The following LRP1B variants were observed in gnomAD, a reference collection of about 807,000 sequenced individuals.
The protein encoded by LRP1B is low-density lipoprotein receptor-related protein 1B.
In LRP1B, 217 loss-of-function variants were observed where a neutral mutation model predicts 556.6. That is an observed-to-expected ratio of 0.39 (90% CI 0.35 to 0.44). The LOEUF (loss-of-function observed/expected upper bound fraction) is 0.44, where lower values mean the gene tolerates loss of function less well. Among genes scored for constraint, LRP1B ranks in the 20% least tolerant of loss-of-function variants. The pLI, the probability that LRP1B is intolerant of heterozygous loss-of-function variation, is 1.00. For synonymous variants in LRP1B, 2,047 were observed against 1,865.8 expected (o/e 1.10, Z -2.50); for missense variants, 5,053 against 5,620.8 (o/e 0.90, Z 3.23).
chr2:140,797,958 G>A (rs1405488580), intron 32 of LRP1B, among the ~76,000 whole-genome samples: 2 of 152,014 alleles, frequency 1.3e-5, no homozygotes, highest in Non-Finnish European at 2.9e-5. Flanking sequence ...CAACTGTCAC[G>A]TCTCAGTGAA....
At chr2:140,619,592 C>G (rs998889872) in intron 41 of LRP1B, among the ~76,000 whole-genome samples, 1 of 152,084 alleles carries the variant, frequency 6.6e-6, no homozygotes, top group Admixed American at 6.5e-5. Flanking sequence ...CCCCGTATAA[C>G]CTTGTTTCTC....
At chr2:141,133,230 T>C (rs1043363674) in intron 7 of LRP1B, among the ~76,000 whole-genome samples, 1 of 151,156 alleles carries the variant, frequency 6.6e-6, no homozygotes. Flanking sequence ...TCCTACATCT[T>C]ATTTCCAAAT....
At chr2:141,191,826 A>C (rs527624523) in intron 6 of LRP1B, among the ~76,000 whole-genome samples, 95 of 152,036 alleles carry the variant, frequency 6.2e-4, no homozygotes, top group Non-Finnish European at 1.2e-3. Context: ...TCACTGTTAC[A>C]AATGTCGTTT....
At chr2:141,816,479 T>C (rs1696552283) in intron 1 of LRP1B, among the ~76,000 whole-genome samples, 1 of 152,182 alleles carries the variant, frequency 6.6e-6, no homozygotes, top group Non-Finnish European at 1.5e-5. Flanking sequence ...TTTTGGGCTT[T>C]TGGACTTACA....
intron 52 of LRP1B, 90 bp from the exon 53 acceptor site, chr2:140,507,008 T>A (rs935496511): frequency 7.5e-7 from 1 of 1,333,894 alleles, no homozygotes. Flanking sequence ...TAAAATCATA[T>A]CCAATAATTC....
chr2:141,580,760 C>A (rs546804198), intron 2 of LRP1B, among the ~76,000 whole-genome samples: 2 of 152,192 alleles, frequency 1.3e-5, no homozygotes, highest in Admixed American at 1.3e-4. Context: ...CAAACACCTT[C>A]GAGTTTTGAA....
At chr2:140,465,101 C>G (rs1305966382) in intron 60 of LRP1B, among the ~76,000 whole-genome samples, 1 of 152,074 alleles carries the variant, frequency 6.6e-6, no homozygotes, top group Non-Finnish European at 1.5e-5. Context: ...ATCTGTTAGG[C>G]CTCTAGGGAG....
chr2:141,194,373 A>G (rs1395538682), intron 6 of LRP1B, among the ~76,000 whole-genome samples: 1 of 152,108 alleles, frequency 6.6e-6, no homozygotes. Context: ...GAATGAGAAC[A>G]TAAATAGGCT....
chr2:140,573,480 A>C (rs2105112722), intron 43 of LRP1B, among the ~76,000 whole-genome samples: 1 of 152,022 alleles, frequency 6.6e-6, no homozygotes, highest in Middle Eastern at 3.4e-3. Context: ...AAGAATAACT[A>C]ATCACCCCAA....
chr2:141,952,663 T>G (rs1701138473), intron 1 of LRP1B, among the ~76,000 whole-genome samples: 1 of 152,096 alleles, frequency 6.6e-6, no homozygotes, highest in African/African-American at 2.4e-5. Flanking sequence ...GAAACACGTT[T>G]CCTAAGCACA....
intron 43 of LRP1B, among the ~76,000 whole-genome samples, chr2:140,542,758 T>G (rs958098956): frequency 6.6e-6 from 1 of 152,230 alleles, no homozygotes; most frequent in African/African-American, 2.4e-5. Flanking sequence ...TGGGTGGCTA[T>G]ATCTCACTGG....
At chr2:141,513,720 T>G (rs1420563263) in intron 2 of LRP1B, among the ~76,000 whole-genome samples, 2 of 122,324 alleles carry the variant, frequency 1.6e-5, no homozygotes, top group Non-Finnish European at 3.4e-5. Flanking sequence ...TTAAAGTCTC[T>G]TGTGCTTAAA....
intron 2 of LRP1B, among the ~76,000 whole-genome samples, chr2:141,778,922 G>C (rs1372610530): frequency 6.6e-6 from 1 of 152,142 alleles, no homozygotes; most frequent in Non-Finnish European, 1.5e-5. Flanking sequence ...AGGATGTATA[G>C]AATCACTAAG....
intron 7 of LRP1B, among the ~76,000 whole-genome samples, chr2:141,116,182 A>G (rs542502848): frequency 2.6e-5 from 4 of 152,316 alleles, no homozygotes; most frequent in African/African-American, 7.2e-5. Flanking sequence ...ATACATTCAT[A>G]TACTCTAGCC....
intron 3 of LRP1B, among the ~76,000 whole-genome samples, chr2:141,313,560 C>CT (rs890634822): frequency 2.0e-5 from 3 of 152,098 alleles, no homozygotes; most frequent in Non-Finnish European, 4.4e-5. Context: ...AACATACAGT[C>CT]TTTTTTTCCC....
chr2:141,898,450 A>T lies in LRP1B; in HGVS notation c.83-88049T>A, dbSNP rs190728011. 2.6e-5 allele frequency among the ~76,000 whole-genome samples: 4 copies of T among 152,280 alleles called. No homozygotes were observed. In the East Asian group the frequency reaches 5.8e-4, roughly 22 times the overall value. On this transcript the variant is annotated intron_variant, in intron 1 of 90. Transcript: ENST00000389484. Reference sequence around the variant, plus strand: ...CTCATGGGCTCAAAAATCAGTTTTAATCTTGTTTTAAGGTGGTAAATTATC... The same window carrying T: ...CTCATGGGCTCAAAAATCAGTTTTATTCTTGTTTTAAGGTGGTAAATTATC...
intron 1 of LRP1B, among the ~76,000 whole-genome samples, chr2:142,066,446 C>G (rs1049864075): frequency 2.0e-5 from 3 of 151,528 alleles, no homozygotes; most frequent in African/African-American, 7.3e-5. Flanking sequence ...TTGCAGCACA[C>G]AATTCCTCTA....
intron 2 of LRP1B, among the ~76,000 whole-genome samples, chr2:141,733,895 A>G (rs990853479): frequency 6.6e-6 from 1 of 152,150 alleles, no homozygotes; most frequent in Non-Finnish European, 1.5e-5. Flanking sequence ...ATGTATGTAC[A>G]TAATTATTAT....
intron 2 of LRP1B, among the ~76,000 whole-genome samples, chr2:141,567,401 C>T (rs1225935382): frequency 6.6e-6 from 1 of 151,934 alleles, no homozygotes; most frequent in Non-Finnish European, 1.5e-5. Flanking sequence ...GAACAAAAAC[C>T]AATAGATATG....
Sources: gnomAD v4.1 joint callset for allele counts (sites outside exome capture counted in the v4.1 genomes callset) on GRCh38, gnomAD v4.1.1 for gene constraint, MANE v1.5 for transcripts, NCBI Gene and HGNC (gene_info 2026-07-23, HGNC 2026-07-21) for gene names.